The following GRIK2 variants were observed in gnomAD, a reference collection of about 807,000 sequenced individuals.
The protein encoded by GRIK2 is glutamate receptor ionotropic, kainate 2.
GRIK2 carries 32 observed loss-of-function variants against 100.3 expected under a neutral mutation model. The observed-to-expected ratio is 0.32, with a 90% CI of 0.24 to 0.43. GRIK2 has a LOEUF of 0.43. Among genes scored for constraint, GRIK2 ranks in the 20% least tolerant of loss-of-function variants. GRIK2 has a pLI of 1.00. For synonymous variants in GRIK2, 417 were observed against 389.4 expected (o/e 1.07, Z -0.83); for missense variants, 843 against 1,114.9 (o/e 0.76, Z 3.47).
intron 14 of GRIK2, among the ~76,000 whole-genome samples, chr6:101,958,302 C>T (rs1792074429): frequency 1.3e-5 from 1 of 78,030 alleles, no homozygotes; most frequent in South Asian, 4.1e-4. Context: ...GCAAGTGAGA[C>T]TGCATTCTTA....
In GRIK2 at chr6:101,859,290, G is replaced by A. The variant is rs1168470089; in HGVS notation, c.1321G>A (p.Glu441Lys). The change falls in exon 11 of 17, where the codon GAG becomes AAG. Residue 441 changes from glutamate to lysine, a missense_variant. Physicochemically the swap from Glu to Lys is moderately conservative, Grantham distance 56 (BLOSUM62 1). Transcript: ENST00000369134. ...TCTTCTTTTTCAATGTTTTCAGGAA[G>A]AGCCTTATGTCCTTTTTAAGAAGTC... ...RSLIVTTILE[E>K]PYVLFKKSDK... 2.6e-6 allele frequency: 4 copies of A among 1,542,114 alleles called. No individual in the cohort carries two copies. The highest frequency in any genetic ancestry group is 4.5e-5 in the East Asian group (2 of 44,444).
chr6:101,855,272 C>G (rs1784364547), intron 10 of GRIK2, among the ~76,000 whole-genome samples: 1 of 152,112 alleles, frequency 6.6e-6, no homozygotes, highest in South Asian at 2.1e-4. Flanking sequence ...AACATAATCT[C>G]TAATTCCTCT....
chr6:101,471,923 G>A lies in GRIK2; in HGVS notation c.115+72531G>A, dbSNP rs117176669. 5.9e-3 allele frequency among the ~76,000 whole-genome samples: 894 copies of A among 151,826 alleles called. 8 individuals carry two copies. The highest frequency in any genetic ancestry group is 0.01 in the Non-Finnish European group (695 of 67,768). The stretch of plus-strand genomic sequence containing the variant: ...GGTCAATATATTAAGCATTCAAGAT[G>A]AGCTATATGTTCAATAAAAGTCATG... On this transcript the variant is annotated intron_variant, in intron 2 of 16. Coordinates refer to ENST00000369134, the MANE Select transcript of GRIK2 (RefSeq NM_021956.5).
intron 15 of GRIK2, among the ~76,000 whole-genome samples, chr6:102,052,034 G>C (rs1404780110): frequency 2.6e-5 from 4 of 152,102 alleles, no homozygotes; most frequent in Non-Finnish European, 5.9e-5. Flanking sequence ...CACTTCATTA[G>C]AGTTAAGTGC....
intron 7 of GRIK2, among the ~76,000 whole-genome samples, chr6:101,743,423 T>G (rs573791812): frequency 6.6e-6 from 1 of 152,348 alleles, no homozygotes; most frequent in African/African-American, 2.4e-5. Context: ...AAGCAGGGTT[T>G]AATCCATCTT....
intron 7 of GRIK2, among the ~76,000 whole-genome samples, chr6:101,762,121 C>T (rs528056705): frequency 3.6e-4 from 52 of 145,674 alleles, no homozygotes; most frequent in Non-Finnish European, 4.9e-4. Context: ...TCCTTCCTCC[C>T]TTCCTTTCCT....
At chr6:101,818,504 T>C (rs1353854662) in intron 10 of GRIK2, 21 bp downstream of exon 10, 3 of 1,292,160 alleles carry the variant, frequency 2.3e-6, no homozygotes, top group South Asian at 2.4e-5. Context: ...GCTTTTCCAT[T>C]ATTCTTAGTT....
chr6:101,696,010 C>A (rs968176128), intron 7 of GRIK2, among the ~76,000 whole-genome samples: 1 of 151,842 alleles, frequency 6.6e-6, no homozygotes, highest in Non-Finnish European at 1.5e-5. Context: ...CAAGCTGCAC[C>A]ATCGTTAAGT....
At chr6:101,579,924 GT>G (rs1193816768) in intron 2 of GRIK2, among the ~76,000 whole-genome samples, 1 of 150,460 alleles carries the variant, frequency 6.6e-6, no homozygotes, top group East Asian at 1.9e-4. Context: ...GGCTTCTACA[GT>G]CCCATTCTTT....
chr6:101,640,142 A>G (rs1781218556), intron 4 of GRIK2, among the ~76,000 whole-genome samples: 1 of 152,224 alleles, frequency 6.6e-6, no homozygotes, highest in Non-Finnish European at 1.5e-5. Flanking sequence ...TTCATAACAC[A>G]GAATAAAATA....
intron 7 of GRIK2, among the ~76,000 whole-genome samples, chr6:101,687,595 T>G (rs147990561): frequency 1.1e-3 from 163 of 151,984 alleles, no homozygotes; most frequent in African/African-American, 3.5e-3. Flanking sequence ...TAATACAAAT[T>G]GAGTGCCTTC....
chr6:101,983,402 C>T (rs917620494), intron 14 of GRIK2, among the ~76,000 whole-genome samples: 74 of 151,928 alleles, frequency 4.9e-4, no homozygotes, highest in African/African-American at 1.7e-3. Flanking sequence ...AGTATTGCCA[C>T]AATGTCTCTA....
chr6:101,904,063 G>C (rs1430506891), intron 12 of GRIK2, among the ~76,000 whole-genome samples: 3 of 150,778 alleles, frequency 2.0e-5, no homozygotes, highest in African/African-American at 7.3e-5. Flanking sequence ...TAGCCATGGG[G>C]CCTTTTTTTT....
intron 7 of GRIK2, among the ~76,000 whole-genome samples, chr6:101,731,989 A>C (rs557340411): frequency 6.6e-6 from 1 of 152,108 alleles, no homozygotes; most frequent in African/African-American, 2.4e-5. Context: ...CACTCATTTC[A>C]TCATTTTCAA....
chr6:101,592,850 A>C (rs944968625), intron 2 of GRIK2, among the ~76,000 whole-genome samples: 33 of 151,798 alleles, frequency 2.2e-4, no homozygotes, highest in Admixed American at 5.9e-4. Flanking sequence ...GTATAAAGGA[A>C]ATGAAAATAT....
chr6:101,399,305 A>C lies in GRIK2; in HGVS notation c.28A>C (p.Asn10His), dbSNP rs765098791. Residue 10 changes from asparagine (N) to histidine (H), a missense_variant, in exon 2 of 17, where the codon AAT becomes CAT. Asn to His is a moderately conservative substitution (Grantham distance 68). Transcript: ENST00000369134. MKIIFPILS[N>H]PVFRRTVKLL... ...GAAGATTATTTTCCCGATTCTAAGT[A>C]ATCCAGTCTTCAGGCGCACCGTTAA... 2.5e-6 allele frequency: 4 copies of C among 1,580,160 alleles called. No homozygotes were observed. In the African/African-American group the frequency reaches 5.4e-5, roughly 21 times the overall value.
intron 14 of GRIK2, among the ~76,000 whole-genome samples, chr6:102,008,047 C>CAACAAG (rs766977631): frequency 1.3e-4 from 19 of 151,882 alleles, no homozygotes; most frequent in Admixed American, 4.6e-4. Context: ...AAAGGAAAAA[C>CAACAAG]AACAACAACA....
intron 1 of GRIK2, among the ~76,000 whole-genome samples, chr6:101,396,247 C>T (rs562090057): frequency 1.4e-5 from 2 of 148,022 alleles, no homozygotes; most frequent in Non-Finnish European, 3.0e-5. Flanking sequence ...AGCATTCCCC[C>T]CCCCCCCAGG....
At chr6:101,762,317 G>A (rs1007350481) in intron 7 of GRIK2, among the ~76,000 whole-genome samples, 1 of 151,992 alleles carries the variant, frequency 6.6e-6, no homozygotes, top group African/African-American at 2.4e-5. Context: ...TGGGACTACA[G>A]GTGGGCATCA....
Sources: gnomAD v4.1 joint callset for allele counts (sites outside exome capture counted in the v4.1 genomes callset) on GRCh38, gnomAD v4.1.1 for gene constraint, MANE v1.5 for transcripts, NCBI Gene and HGNC (gene_info 2026-07-23, HGNC 2026-07-21) for gene names.